NCAM2: variants seen among roughly 807,000 people sequenced by gnomAD.
NCAM2 encodes N-CAM-2.
In NCAM2, 30 loss-of-function variants were observed where a neutral mutation model predicts 98.1. The observed-to-expected ratio is 0.31, with a 90% CI of 0.23 to 0.41. The LOEUF (loss-of-function observed/expected upper bound fraction) is 0.41. Among genes scored for constraint, NCAM2 ranks in the 10% least tolerant of loss-of-function variants. NCAM2 has a pLI of 1.00. For missense variants in NCAM2, 867 were observed against 1,005.8 expected (o/e 0.86, Z 1.87); for synonymous variants, 368 against 342.4 (o/e 1.07, Z -0.83).
chr21:21,438,454 G>C (rs1978720502), intron 12 of NCAM2, among the ~76,000 whole-genome samples: 1 of 152,082 alleles, frequency 6.6e-6, no homozygotes, highest in African/African-American at 2.4e-5. Context: ...TGAAGGTTTA[G>C]CTGAAGCCGT....
At chr21:21,241,348 A>G in intron 1 of NCAM2, among the ~76,000 whole-genome samples, 1 of 149,942 alleles carries the variant, frequency 6.7e-6, no homozygotes, top group East Asian at 2.0e-4. Flanking sequence ...ATGAGAAAAC[A>G]TACAGTATTT....
At position 21,058,884 on chromosome 21, in the gene NCAM2, T is replaced by C. The variant is rs543850545; in HGVS notation, c.55+60266T>C. Among the ~76,000 whole-genome samples the C allele has an allele frequency of 1.5e-4, 23 of 152,242 alleles. 1 individual carries two copies. The South Asian group carries it at 4.8e-3, about 32-fold the overall frequency. On this transcript the variant is annotated intron_variant, in intron 1 of 17. Transcript: ENST00000400546. Reference sequence around the variant, plus strand: ...ATACAAATACCTCCATGTGAATTTCTATTAGACTGTTTTTGGACATTCTAG... The same window carrying C: ...ATACAAATACCTCCATGTGAATTTCCATTAGACTGTTTTTGGACATTCTAG...
At chr21:21,467,757 T>A (rs1983908271) in intron 13 of NCAM2, among the ~76,000 whole-genome samples, 1 of 105,228 alleles carries the variant, frequency 9.5e-6, no homozygotes, top group South Asian at 2.6e-4. Context: ...GAGGCTGAGG[T>A]GAGAGGTGAG....
At chr21:21,064,229 T>G (rs1455634799) in intron 1 of NCAM2, among the ~76,000 whole-genome samples, 1 of 152,140 alleles carries the variant, frequency 6.6e-6, no homozygotes, top group Non-Finnish European at 1.5e-5. Context: ...GTGCTAAGAA[T>G]TGTGACTTCA....
At chr21:21,514,134 A>G (rs982146927) in intron 16 of NCAM2, among the ~76,000 whole-genome samples, 1 of 150,824 alleles carries the variant, frequency 6.6e-6, no homozygotes, top group Non-Finnish European at 1.5e-5. Context: ...TATATATGGT[A>G]TAATTAAATT....
At chr21:21,451,687 T>G (rs940857526) in intron 12 of NCAM2, among the ~76,000 whole-genome samples, 1 of 152,158 alleles carries the variant, frequency 6.6e-6, no homozygotes, top group African/African-American at 2.4e-5. Context: ...GGAATCCCCC[T>G]TGGTGACAGG....
chr21:21,465,971 C>T (rs1002304046), intron 12 of NCAM2, among the ~76,000 whole-genome samples: 11 of 151,974 alleles, frequency 7.2e-5, no homozygotes, highest in Non-Finnish European at 1.6e-4. Flanking sequence ...TTCCTTGTGC[C>T]TTTTCATATT....
At chr21:20,999,925 G>A (rs2063988682) in intron 1 of NCAM2, among the ~76,000 whole-genome samples, 2 of 152,114 alleles carry the variant, frequency 1.3e-5, no homozygotes, top group African/African-American at 2.4e-5. Flanking sequence ...GATGAAACAC[G>A]ATTGGATGCA....
intron 8 of NCAM2, among the ~76,000 whole-genome samples, chr21:21,354,169 A>T (rs981580856): frequency 2.0e-5 from 3 of 152,158 alleles, no homozygotes; most frequent in African/African-American, 7.2e-5. Context: ...ATCATCTCTT[A>T]AGAAACAGAA....
intron 9 of NCAM2, among the ~76,000 whole-genome samples, chr21:21,376,190 A>C (rs1568995189): frequency 6.6e-6 from 1 of 151,856 alleles, no homozygotes; most frequent in Non-Finnish European, 1.5e-5. Context: ...ATTCAAGCGT[A>C]TCCACATTCT....
chr21:21,179,341 C>A (rs867740240), intron 1 of NCAM2, among the ~76,000 whole-genome samples: 13 of 151,710 alleles, frequency 8.6e-5, no homozygotes, highest in Admixed American at 2.6e-4. Flanking sequence ...CTACTTATTT[C>A]TTATGCTGTA....
intron 1 of NCAM2, among the ~76,000 whole-genome samples, chr21:21,026,493 C>T (rs2064547694): frequency 6.6e-6 from 1 of 151,970 alleles, no homozygotes; most frequent in South Asian, 2.1e-4. Context: ...GGCGTGGTGG[C>T]AGGCTTCTGT....
At chr21:21,292,535 A>C (rs2073336037) in intron 5 of NCAM2, among the ~76,000 whole-genome samples, 1 of 151,980 alleles carries the variant, frequency 6.6e-6, no homozygotes, top group African/African-American at 2.4e-5. Flanking sequence ...TAAACATAGT[A>C]CAGTATCATA....
At chr21:21,427,225 C>G in intron 11 of NCAM2, among the ~76,000 whole-genome samples, 1 of 149,120 alleles carries the variant, frequency 6.7e-6, no homozygotes, top group East Asian at 2.0e-4. Context: ...GGATTGAAAA[C>G]AAAAAAAAGA....
chr21:21,028,071 C>G (rs2064591759), intron 1 of NCAM2, among the ~76,000 whole-genome samples: 1 of 152,094 alleles, frequency 6.6e-6, no homozygotes, highest in African/African-American at 2.4e-5. Flanking sequence ...TCATGTTAGT[C>G]AGGCTGGTCT....
intron 6 of NCAM2, among the ~76,000 whole-genome samples, chr21:21,334,585 A>G (rs1276164603): frequency 6.6e-6 from 1 of 152,108 alleles, no homozygotes. Flanking sequence ...TTTAAAATCA[A>G]TTCAGTCATG....
chr21:21,077,051 T>A (rs191435237), intron 1 of NCAM2, among the ~76,000 whole-genome samples: 1 of 152,276 alleles, frequency 6.6e-6, no homozygotes, highest in Admixed American at 6.5e-5. Flanking sequence ...AGGTTTTGAA[T>A]CATTTTCTAC....
rs572593356 is a variant in NCAM2, at chr21:21,315,164, C to T, written c.620-9219C>T. Among the ~76,000 whole-genome samples the T allele has an allele frequency of 2.6e-5, 4 of 152,228 alleles. No homozygotes were observed. In the East Asian group the frequency reaches 7.7e-4, roughly 29 times the overall value. On this transcript the variant is annotated intron_variant, in intron 5 of 17. Coordinates refer to ENST00000400546, the MANE Select transcript of NCAM2 (RefSeq NM_004540.5). ...TTATATTCAGACGCCATTTTCATTA[C>T]CTTTCAGTGACTGTCAGATCTGTCC...
At chr21:21,483,103 GA>G (rs1205211909) in intron 15 of NCAM2, among the ~76,000 whole-genome samples, 1 of 151,872 alleles carries the variant, frequency 6.6e-6, no homozygotes, top group Non-Finnish European at 1.5e-5. Context: ...AACTTACTTT[GA>G]AAAACATTTT....
Sources: allele counts gnomAD v4.1 joint callset (sites outside exome capture counted in the v4.1 genomes callset), GRCh38; gene constraint gnomAD v4.1.1; transcripts MANE v1.5; gene names NCBI Gene and HGNC (gene_info 2026-07-23, HGNC 2026-07-21).